Variants in SLC35F3 observed in about 807,000 individuals in gnomAD.
SLC35F3 encodes putative thiamine transporter SLC35F3.
SLC35F3 carries 25 observed loss-of-function variants against 49.9 expected under a neutral mutation model. The ratio of observed to expected loss-of-function variants is 0.50; its 90% CI spans 0.37 to 0.70. The LOEUF is 0.70. Among genes scored for constraint, SLC35F3 ranks in the 30% least tolerant of loss-of-function variants. The probability of loss-of-function intolerance (pLI) is 0.00; values close to 1 mark genes in which losing one functional copy is unlikely to be tolerated. For missense variants in SLC35F3, 525 were observed against 639.8 expected, an observed-to-expected ratio of 0.82 and a Z score of 1.94; for synonymous variants, 275 against 265.4, an observed-to-expected ratio of 1.04 and a Z score of -0.35.
chr1:234,041,380 G>A (rs767445278), intron 2 of SLC35F3, among the ~76,000 whole-genome samples: 5 of 152,072 alleles, frequency 3.3e-5, no homozygotes, highest in East Asian at 1.9e-4. Flanking sequence ...AAAGGACTAC[G>A]GAGGGATTTC....
At chr1:233,980,354 TA>T (rs1452104709) in intron 2 of SLC35F3, among the ~76,000 whole-genome samples, 9 of 152,138 alleles carry the variant, frequency 5.9e-5, no homozygotes, top group Non-Finnish European at 8.8e-5. Context: ...TGATGGCCCA[TA>T]AAAAGCCCAG....
chr1:234,221,185 G>T (rs914131035), intron 2 of SLC35F3, among the ~76,000 whole-genome samples: 1 of 152,010 alleles, frequency 6.6e-6, no homozygotes, highest in Non-Finnish European at 1.5e-5. Flanking sequence ...CTGCCAGCCA[G>T]ATTGCAAGGG....
intron 2 of SLC35F3, among the ~76,000 whole-genome samples, chr1:233,951,703 G>T (rs1040222035): frequency 2.6e-5 from 4 of 151,790 alleles, no homozygotes; most frequent in Admixed American, 2.6e-4. Context: ...ACATGTAGAT[G>T]ATTCTTCTTC....
chr1:234,076,167 CT>C, intron 2 of SLC35F3, among the ~76,000 whole-genome samples: 1 of 150,702 alleles, frequency 6.6e-6, no homozygotes, highest in Non-Finnish European at 1.5e-5. Context: ...GGTTTTTTTT[CT>C]TTGGTAAAGT....
At chr1:233,982,847 T>C (rs1663207877) in intron 2 of SLC35F3, among the ~76,000 whole-genome samples, 1 of 152,188 alleles carries the variant, frequency 6.6e-6, no homozygotes, top group Non-Finnish European at 1.5e-5. Context: ...TAGAAATTTT[T>C]AGCTGTGGTC....
At chr1:234,284,511 G>A (rs114021486) in intron 3 of SLC35F3, among the ~76,000 whole-genome samples, 2,243 of 152,272 alleles carry the variant, frequency 0.015, 48 homozygotes, top group African/African-American at 0.051. Context: ...CATGCATCTG[G>A]CAGATGCAAA....
intron 2 of SLC35F3, among the ~76,000 whole-genome samples, chr1:234,111,280 C>T (rs1253818510): frequency 6.6e-6 from 1 of 151,704 alleles, no homozygotes. Flanking sequence ...TGAAAAGGCC[C>T]CTGTATTTTT....
intron 2 of SLC35F3, among the ~76,000 whole-genome samples, chr1:234,097,356 T>C (rs561632667): frequency 6.6e-6 from 1 of 152,186 alleles, no homozygotes; most frequent in African/African-American, 2.4e-5. Flanking sequence ...AAAAGAAAAT[T>C]AAAAAGATGT....
chr1:234,226,583 A>AT (rs1667288932), intron 2 of SLC35F3, among the ~76,000 whole-genome samples: 3 of 147,782 alleles, frequency 2.0e-5, no homozygotes, highest in African/African-American at 7.5e-5. Context: ...CCAATTCATC[A>AT]TTTTCTCAGG....
At chr1:234,063,714 T>C (rs1225264182) in intron 2 of SLC35F3, among the ~76,000 whole-genome samples, 5 of 152,200 alleles carry the variant, frequency 3.3e-5, no homozygotes, top group African/African-American at 7.2e-5. Context: ...GGCTTTTGTT[T>C]AGCTTTTAAT....
chr1:234,266,871 T>C (rs1667986542), intron 3 of SLC35F3, among the ~76,000 whole-genome samples: 1 of 130,026 alleles, frequency 7.7e-6, no homozygotes, highest in Non-Finnish European at 1.6e-5. Context: ...ATGAAGCACA[T>C]GGTTTTTTTT....
chr1:234,159,525 C>G (rs1252477139), intron 2 of SLC35F3, among the ~76,000 whole-genome samples: 1 of 149,936 alleles, frequency 6.7e-6, no homozygotes, highest in Non-Finnish European at 1.5e-5. Flanking sequence ...TGCAGTGAGC[C>G]GAGATCACAC....
intron 2 of SLC35F3, among the ~76,000 whole-genome samples, chr1:234,210,944 T>C (rs1012469608): frequency 9.2e-5 from 14 of 152,124 alleles, no homozygotes; most frequent in African/African-American, 3.4e-4. Context: ...CCCGGAAGCC[T>C]AGGAGGAAAA....
intron 2 of SLC35F3, among the ~76,000 whole-genome samples, chr1:234,064,261 G>C (rs1369655307): frequency 6.6e-6 from 1 of 152,148 alleles, no homozygotes; most frequent in Non-Finnish European, 1.5e-5. Flanking sequence ...TGTGTCTTGC[G>C]TGTGATCCTT....
chr1:234,096,885 C>CTTTT (rs34404610), intron 2 of SLC35F3, among the ~76,000 whole-genome samples: 2 of 132,102 alleles, frequency 1.5e-5, no homozygotes, highest in East Asian at 2.2e-4. Context: ...TTGTTAAATT[C>CTTTT]TTTTTTTTTT....
rs541602116 is a variant in SLC35F3 at position 233,937,121 on chromosome 1, A to G, written c.283+31363A>G. ...TTCACAACACTTGGCACCAGCATCAAAATAAGATACTTCCTCAAGTTTCAT... is the reference window on the plus strand; with the variant it reads ...TTCACAACACTTGGCACCAGCATCAGAATAAGATACTTCCTCAAGTTTCAT... On this transcript the variant is annotated intron_variant, in intron 2 of 7. Coordinates refer to ENST00000366618, the MANE Select transcript of SLC35F3 (RefSeq NM_173508.4). 2.0e-5 allele frequency among the ~76,000 whole-genome samples: 3 copies of G among 152,310 alleles called. No homozygotes were observed. The South Asian group carries it at 6.2e-4, about 32-fold the overall frequency.
chr1:233,933,469 C>T (rs917757203), intron 2 of SLC35F3, among the ~76,000 whole-genome samples: 14 of 152,096 alleles, frequency 9.2e-5, no homozygotes, highest in African/African-American at 3.4e-4. Context: ...CTGCTACAGG[C>T]GCACACTACC....
chr1:233,922,682 T>C (rs907618790), intron 2 of SLC35F3, among the ~76,000 whole-genome samples: 1 of 152,210 alleles, frequency 6.6e-6, no homozygotes, highest in African/African-American at 2.4e-5. Flanking sequence ...TTGGCTTTTG[T>C]TGCCATTGCC....
chr1:233,940,631 C>T (rs752383429), intron 2 of SLC35F3, among the ~76,000 whole-genome samples: 1 of 152,140 alleles, frequency 6.6e-6, no homozygotes, highest in Non-Finnish European at 1.5e-5. Flanking sequence ...TAATTTTGAC[C>T]GAAGTAAACC....
Sources: gnomAD v4.1 joint callset for allele counts (sites outside exome capture counted in the v4.1 genomes callset) on GRCh38, gnomAD v4.1.1 for gene constraint, MANE v1.5 for transcripts, NCBI Gene and HGNC (gene_info 2026-07-23, HGNC 2026-07-21) for gene names.